ZNF568: variants seen among roughly 807,000 people sequenced by gnomAD.
ZNF568 encodes the protein p53 inhibitor of SCO2 activation.
In ZNF568, 11 loss-of-function variants were observed where a neutral mutation model predicts 18.1. The ratio of observed to expected loss-of-function variants is 0.61; its 90% CI spans 0.38 to 1.00. The LOEUF (loss-of-function observed/expected upper bound fraction) is 1.00, where lower values mean the gene tolerates loss of function less well. ZNF568 is among the 50% of genes least tolerant of loss of function. The probability of loss-of-function intolerance (pLI) is 0.01; values close to 1 mark genes in which losing one functional copy is unlikely to be tolerated. For missense variants in ZNF568, 639 were observed against 768.2 expected (o/e 0.83, Z 1.99); for synonymous variants, 213 against 246.6 (o/e 0.86, Z 1.28).
Position 36,975,844 on chromosome 19 carries a change from C to T in ZNF568, c.405+1378C>T, listed in dbSNP as rs574589906. 4.5e-4 allele frequency among the ~76,000 whole-genome samples: 67 copies of T among 150,482 alleles called. 1 individual carries two copies. The highest frequency in any genetic ancestry group is 1.5e-3 in the African/African-American group (60 of 40,888). The stretch of plus-strand genomic sequence containing the variant: ...CTGAGTAGCTGGGATTACAGGCGTG[C>T]GCCACCATGCCCAGCTAGTTTTTGT... On this transcript the variant is annotated intron_variant, in intron 7 of 7. Transcript: ENST00000427117.
intron 6 of ZNF568, among the ~76,000 whole-genome samples, chr19:36,948,304 G>A (rs2073998256): frequency 6.6e-6 from 1 of 152,094 alleles, no homozygotes; most frequent in African/African-American, 2.4e-5. Flanking sequence ...TAACTTGATA[G>A]CACATCTGTT....
At chr19:36,940,785 C>T (rs560748317) in intron 6 of ZNF568, among the ~76,000 whole-genome samples, 2 of 152,250 alleles carry the variant, frequency 1.3e-5, no homozygotes, top group East Asian at 3.9e-4. Context: ...TTGATAAGAG[C>T]TTGGCATTGA....
At chr19:36,933,211 G>A (rs1600786903) in intron 4 of ZNF568, among the ~76,000 whole-genome samples, 1 of 146,184 alleles carries the variant, frequency 6.8e-6, no homozygotes, top group African/African-American at 2.6e-5. Flanking sequence ...CTTTGTATAC[G>A]GCATGATCCA....
chr19:36,997,025 A>C (rs1179085087), exon 5 of ZNF568: 1 of 1,561,258 alleles, frequency 6.4e-7, no homozygotes, highest in Non-Finnish European at 8.6e-7. Context: ...CAAAGAATCC[A>C]TACGGGTGAG....
chr19:36,968,008 A>G lies in ZNF568; in HGVS notation c.359-6412A>G, dbSNP rs60735849. Among the ~76,000 whole-genome samples the G allele has an allele frequency of 9.3e-3, 1,424 of 152,338 alleles. 26 individuals are homozygous for G. The highest frequency in any genetic ancestry group is 0.033 in the African/African-American group (1,354 of 41,576). On this transcript the variant is annotated intron_variant, in intron 6 of 7. Transcript: ENST00000427117. Reference sequence around the variant, plus strand: ...TTCTTGTGGGCTAAATTGAAAACCCAGGAACAAAATAAAAACTTGGTTGTA... The same window carrying G: ...TTCTTGTGGGCTAAATTGAAAACCCGGGAACAAAATAAAAACTTGGTTGTA...
chr19:36,918,781 A>G (rs1054095004), intron 2 of ZNF568, among the ~76,000 whole-genome samples: 1 of 152,174 alleles, frequency 6.6e-6, no homozygotes, highest in Non-Finnish European at 1.5e-5. Context: ...CCTATCAAAC[A>G]ATAACTCTGT....
exon 5 of ZNF568, chr19:36,996,894 G>A (rs758872869): frequency 5.1e-5 from 78 of 1,538,418 alleles, no homozygotes; most frequent in Admixed American, 2.4e-4. Context: ...GGGAGTGTGG[G>A]AAAGCCTTTC....
chr19:36,937,747 G>T (rs933533309), intron 6 of ZNF568, among the ~76,000 whole-genome samples: 5 of 151,998 alleles, frequency 3.3e-5, no homozygotes, highest in African/African-American at 1.2e-4. Context: ...CAATCCCATG[G>T]CTTAGAAATG....
downstream of ZNF568, chr19:36,997,728 G>A (rs2074492522): frequency 1.3e-6 from 1 of 741,284 alleles, no homozygotes; most frequent in Non-Finnish European, 2.2e-6. Flanking sequence ...GAAGAAATGA[G>A]GGATGGCTCA....
At chr19:36,928,759 C>T (rs2073628490) in intron 4 of ZNF568, among the ~76,000 whole-genome samples, 1 of 151,966 alleles carries the variant, frequency 6.6e-6, no homozygotes, top group African/African-American at 2.4e-5. Flanking sequence ...GAATGATGCT[C>T]AGACTAGAAA....
At chr19:36,927,913 T>A (rs1190343962) in intron 4 of ZNF568, among the ~76,000 whole-genome samples, 30 of 64,196 alleles carry the variant, frequency 4.7e-4, no homozygotes, top group Non-Finnish European at 5.8e-4. Context: ...ATTTTTTTTT[T>A]TTTTTTTTTT....
chr19:36,992,438 G>A (rs973382080), intron 4 of ZNF568, among the ~76,000 whole-genome samples: 4 of 152,026 alleles, frequency 2.6e-5, no homozygotes, highest in African/African-American at 7.2e-5. Flanking sequence ...GGAGGCAGAG[G>A]TTGCAGTGAG....
intron 6 of ZNF568, chr19:36,974,378 T>C: frequency 6.5e-7 from 1 of 1,531,956 alleles, no homozygotes; most frequent in African/African-American, 1.4e-5. Flanking sequence ...CAGGGAGGGA[T>C]TCAGGATGGC....
intron 6 of ZNF568, among the ~76,000 whole-genome samples, chr19:36,939,406 T>C (rs971586429): frequency 3.3e-5 from 5 of 152,176 alleles, no homozygotes; most frequent in African/African-American, 9.7e-5. Context: ...TTGTTGGAGA[T>C]AAGAAACAGG....
rs2073342932 is a variant in ZNF568 at position 36,916,794 on chromosome 19, T to G, written c.-256+203T>G. Among the ~76,000 whole-genome samples, 1 of 152,112 alleles carries G rather than the reference T, an allele frequency of 6.6e-6. No homozygotes were observed. On this transcript the variant is annotated intron_variant, in intron 1 of 6. Coordinates refer to ENST00000333987, the MANE Select transcript of ZNF568 (RefSeq NM_198539.4). This position sits in a 1 kb window ranked among gnomAD's most constrained non-coding sequence, Gnocchi z 5.3. ...GTGAACGTGGCGAAGTGTGCGTGAT[T>G]GTAATATGTCTAGTAGTTCTTGTCT...
chr19:36,980,820 T>G (rs2074325303), downstream of ZNF568, among the ~76,000 whole-genome samples: 1 of 152,130 alleles, frequency 6.6e-6, no homozygotes, highest in Non-Finnish European at 1.5e-5. Context: ...GAACTCAGTT[T>G]CCAGCATCTG....
intron 2 of ZNF568, among the ~76,000 whole-genome samples, chr19:36,987,605 GC>G (rs1568408388): frequency 2.8e-5 from 1 of 35,112 alleles, no homozygotes; most frequent in Admixed American, 2.8e-4. Context: ...TCTTTGGGGT[GC>G]CTTCAAGTCT....
At position 36,950,909 on chromosome 19, in the gene ZNF568, T is replaced by A. The variant is rs200124485; in HGVS notation, c.1756T>A (p.Tyr586Asn). Residue 586 changes from tyrosine (Y) to asparagine (N), a missense_variant, in exon 7 of 7, where the codon TAT becomes AAT. Physicochemically the swap from Tyr to Asn is moderately radical, Grantham distance 143 (BLOSUM62 -2). Transcript: ENST00000333987. ...HVRSHTGEKP[Y>N]ECNKCGKAFS... Reference sequence around the variant, plus strand: ...GAGAAGTCACACAGGGGAGAAACCCTATGAATGTAATAAATGTGGGAAAGC... The same window carrying A: ...GAGAAGTCACACAGGGGAGAAACCCAATGAATGTAATAAATGTGGGAAAGC... 6.2e-7 allele frequency: 1 copy of A among 1,613,686 alleles called. No homozygotes were observed. Among genetic ancestry groups the A allele is most frequent in the East Asian group, 2.2e-5 (1 of 44,850 alleles).
intron 4 of ZNF568, among the ~76,000 whole-genome samples, chr19:36,930,443 T>C (rs1026460891): frequency 6.6e-6 from 1 of 152,066 alleles, no homozygotes; most frequent in African/African-American, 2.4e-5. Context: ...TCTCCTGACC[T>C]CGTGATCCGC....
Sources: gnomAD v4.1 joint callset for allele counts (sites outside exome capture counted in the v4.1 genomes callset) on GRCh38, gnomAD v4.1.1 for gene constraint, Gnocchi (gnomAD v3.1) non-coding constraint, MANE v1.5 for transcripts, NCBI Gene and HGNC (gene_info 2026-07-23, HGNC 2026-07-21) for gene names.